Variants in MOB4 observed in about 807,000 individuals in gnomAD.
The protein encoded by MOB4 is MOB-like protein phocein.
In MOB4, 4 loss-of-function variants were observed where a neutral mutation model predicts 32.2. That is an observed-to-expected ratio of 0.12 (90% CI 0.06 to 0.28). The LOEUF is 0.28. MOB4 is among the 10% of genes least tolerant of loss of function. The pLI, the probability that MOB4 is intolerant of heterozygous loss-of-function variation, is 1.00. For synonymous variants in MOB4, 88 were observed against 88.1 expected (o/e 1.00, Z 0.01); for missense variants, 158 against 271.2 (o/e 0.58, Z 2.93).
intron 3 of MOB4, among the ~76,000 whole-genome samples, chr2:197,537,779 G>GT (rs1004741627): frequency 1.4e-4 from 22 of 151,794 alleles, no homozygotes; most frequent in African/African-American, 3.1e-4. Context: ...GCTTTCTTAT[G>GT]TTTTTTTTCT....
chr2:197,515,767 A>G, upstream of MOB4: 4 of 411,254 alleles, frequency 9.7e-6, no homozygotes, highest in South Asian at 1.2e-4. Flanking sequence ...CGTGCAACGC[A>G]GCCGTGCACA....
chr2:197,521,015 ATT>A (rs2086507668), intron 1 of MOB4, among the ~76,000 whole-genome samples: 1 of 150,864 alleles, frequency 6.6e-6, no homozygotes, highest in South Asian at 2.1e-4. Flanking sequence ...AGGTGTATAT[ATT>A]TGTAGGTTAC....
At chr2:197,516,499 TGGAGACCCCCGG>T (rs2086414797) in intron 1 of MOB4, 1 of 833,280 alleles carries the variant, frequency 1.2e-6, no homozygotes, top group Non-Finnish European at 1.8e-6. Flanking sequence ...ACCAGCCTGG[TGGAGACCCCCGG>T]GGTTTCCTGA....
chr2:197,549,846 T>G (rs1574657252), intron 6 of MOB4, among the ~76,000 whole-genome samples: 2 of 138,782 alleles, frequency 1.4e-5, no homozygotes, highest in East Asian at 4.1e-4. Context: ...CCACCACACC[T>G]GGCCTTAATT....
chr2:197,534,834 C>T (rs1463708552), intron 2 of MOB4, among the ~76,000 whole-genome samples: 1 of 152,068 alleles, frequency 6.6e-6, no homozygotes, highest in Non-Finnish European at 1.5e-5. Flanking sequence ...TGAGCCCCGA[C>T]GCCCGGCCTT....
intron 3 of MOB4, among the ~76,000 whole-genome samples, chr2:197,539,314 G>A (rs1274054411): frequency 1.7e-5 from 2 of 119,932 alleles, no homozygotes; most frequent in African/African-American, 6.7e-5. Context: ...CAATTGTAAT[G>A]TAATTTTTTT....
chr2:197,550,545 A>G lies in MOB4; in HGVS notation c.577A>G (p.Lys193Glu). The G allele has an allele frequency of 6.2e-7, 1 of 1,606,434 alleles. No homozygotes were observed. Among genetic ancestry groups the G allele is most frequent in the Middle Eastern group, 1.7e-4 (1 of 6,004 alleles). The change falls in exon 8 of 8, where the codon AAG (lysine) becomes GAG (glutamate). Residue 193 changes from lysine (K) to glutamate (E), a missense_variant. By Grantham distance (56) the Lys-to-Glu change is moderately conservative (BLOSUM62 1). Around this residue, in one of 6 missense-constraint regions of MOB4, gnomAD observed 45 missense variants for 65.6 expected, o/e 0.69. Coordinates refer to ENST00000323303, the MANE Select transcript of MOB4 (RefSeq NM_015387.5). The part of the protein sequence containing the change: ...NETFLCHRFT[K>E]FVMKYNLMSK... ...AACATTTTTGTGTCATCGGTTTACT[A>G]AGTTTGTGATGAAATACAATTTGAT...
chr2:197,520,296 G>A (rs1321722131), intron 1 of MOB4, among the ~76,000 whole-genome samples: 1 of 150,880 alleles, frequency 6.6e-6, no homozygotes, highest in Non-Finnish European at 1.5e-5. Context: ...CCACCACCAC[G>A]CCTGGCTAAT....
chr2:197,534,832 G>A (rs1042475710), intron 2 of MOB4, among the ~76,000 whole-genome samples: 10 of 151,910 alleles, frequency 6.6e-5, no homozygotes, highest in African/African-American at 2.4e-4. Flanking sequence ...CATGAGCCCC[G>A]ACGCCCGGCC....
intron 1 of MOB4, among the ~76,000 whole-genome samples, chr2:197,520,293 C>T (rs2086492069): frequency 6.6e-6 from 1 of 151,956 alleles, no homozygotes; most frequent in Non-Finnish European, 1.5e-5. Context: ...CGCCCACCAC[C>T]ACGCCTGGCT....
intron 2 of MOB4, among the ~76,000 whole-genome samples, chr2:197,528,855 G>C (rs1269757305): frequency 6.6e-6 from 1 of 151,970 alleles, no homozygotes; most frequent in African/African-American, 2.4e-5. Flanking sequence ...CTGACCTCGT[G>C]ATCTGCCCGC....
At position 197,553,576 on chromosome 2, in the gene MOB4, T is replaced by A. The variant is rs2087131971; in HGVS notation, c.*2930T>A. On this transcript the variant is annotated 3_prime_UTR_variant, in exon 8 of 8. Transcript: ENST00000323303. ...TACTGTCTATATGATGACATCTTTT[T>A]TGAGCAGCTAAATTTTAAATTGTAT... 6.6e-6 allele frequency: 1 copy of A among 152,248 alleles called. No individual in the cohort carries two copies. Among genetic ancestry groups the A allele is most frequent in the South Asian group, 2.1e-4 (1 of 4,832 alleles). 9.4% of individuals were successfully genotyped at this position (152,248 alleles called of 1,614,324 possible). A position where few individuals can be genotyped will look rare whatever the true frequency, so the allele number is the denominator to read the frequency against.
At chr2:197,535,725 C>A in intron 3 of MOB4, 95 bp downstream of exon 3, 1 of 1,416,882 alleles carries the variant, frequency 7.1e-7, no homozygotes, top group Non-Finnish European at 9.6e-7. Context: ...TATGTAACTG[C>A]AGACTAAGAA....
At chr2:197,524,847 T>C (rs1165719494) in intron 2 of MOB4, among the ~76,000 whole-genome samples, 1 of 151,814 alleles carries the variant, frequency 6.6e-6, no homozygotes, top group Non-Finnish European at 1.5e-5. Context: ...CATGGCAAAA[T>C]GTAGCCTCAA....
In MOB4 at chr2:197,551,685, G is replaced by A. The variant is rs530693781; in HGVS notation, c.*1039G>A. ...ATTTATTTTACACCCCCTCTCCCAC[G>A]AAGTTTATGTTTGGATTACATGCAC... On this transcript the variant is annotated 3_prime_UTR_variant, in exon 8 of 8. Coordinates refer to ENST00000323303, the MANE Select transcript of MOB4 (RefSeq NM_015387.5). The A allele has an allele frequency of 4.6e-5, 7 of 152,658 alleles. No homozygotes were observed. In the South Asian group the frequency reaches 1.5e-3, roughly 32 times the overall value. The allele number at this position is 152,658 out of a possible 1,614,324, so 9.5% of individuals were successfully genotyped here.
At chr2:197,523,907 G>T (rs1433341965) in intron 2 of MOB4, among the ~76,000 whole-genome samples, 1 of 152,188 alleles carries the variant, frequency 6.6e-6, no homozygotes, top group Non-Finnish European at 1.5e-5. Context: ...GCATAGAGAA[G>T]ATTCCACTGA....
chr2:197,521,601 G>A (rs1036984656), intron 1 of MOB4, among the ~76,000 whole-genome samples: 3 of 152,022 alleles, frequency 2.0e-5, no homozygotes, highest in African/African-American at 7.3e-5. Context: ...CTACAGTTTC[G>A]ACCATAGAAG....
chr2:197,519,822 TAGAC>T (rs1027584465), intron 1 of MOB4, among the ~76,000 whole-genome samples: 11 of 152,206 alleles, frequency 7.2e-5, no homozygotes, highest in East Asian at 3.8e-4. Context: ...AAGGAAAGAA[TAGAC>T]AGAGTATTGG....
intron 5 of MOB4, 53 bp downstream of exon 5, chr2:197,540,490 T>G: frequency 2.0e-6 from 3 of 1,477,772 alleles, no homozygotes; most frequent in Non-Finnish European, 2.7e-6. Flanking sequence ...CCTAAATCTC[T>G]CTCAAGACAA....
Sources: gnomAD v4.1 joint callset for allele counts (sites outside exome capture counted in the v4.1 genomes callset) on GRCh38, gnomAD v4.1.1 for gene constraint, gnomAD v4.1.1 regional missense constraint, MANE v1.5 for transcripts, NCBI Gene and HGNC (gene_info 2026-07-23, HGNC 2026-07-21) for gene names.